The following WDR36 variants were observed in gnomAD, a reference collection of about 807,000 sequenced individuals.
WDR36 encodes WD repeat domain 36, also known as WD repeat-containing protein 36.
A neutral mutation model predicts 112.7 loss-of-function variants in WDR36; 63 were observed. The observed-to-expected ratio is 0.56, with a 90% CI of 0.46 to 0.69. The LOEUF (loss-of-function observed/expected upper bound fraction) is 0.69, where lower values mean the gene tolerates loss of function less well. Ranked by LOEUF, WDR36 falls within the 30% of genes least tolerant of loss-of-function variation. The pLI, the probability that WDR36 is intolerant of heterozygous loss-of-function variation, is 0.00. For missense variants in WDR36, 1,226 were observed against 1,070.3 expected (o/e 1.15, Z -2.03); for synonymous variants, 410 against 362.2 (o/e 1.13, Z -1.50).
chr5:111,125,923 T>G (rs1753671680), intron 22 of WDR36, 128 bp downstream of exon 22: 2 of 867,070 alleles, frequency 2.3e-6, no homozygotes, highest in East Asian at 5.2e-5. Context: ...ACTTGCCACA[T>G]GTAGCTATTG....
intron 7 of WDR36, 124 bp from the exon 8 acceptor site, chr5:111,104,053 T>C (rs1222698101): frequency 1.4e-6 from 2 of 1,386,342 alleles, no homozygotes; most frequent in African/African-American, 2.9e-5. Context: ...CAAAGAAATA[T>C]GAATAGATTA....
intron 16 of WDR36, among the ~76,000 whole-genome samples, chr5:111,115,326 A>G (rs10064041): frequency 0.028 from 4,262 of 152,134 alleles, 196 homozygotes; most frequent in African/African-American, 0.096. Context: ...AAGATTTACA[A>G]TGTGCTGCTA....
rs765669337 is a variant in WDR36, at chr5:111,104,742, T to A, written c.952T>A (p.Phe318Ile). Residue 318 changes from phenylalanine to isoleucine, a missense_variant, in exon 9 of 23, where the codon TTC becomes ATC. Coordinates refer to ENST00000513710, the MANE Select transcript of WDR36 (RefSeq NM_139281.3). ...TACAGGTGAAGGCCGACTTTTGAGA[T>A]TCAGAATGGGTCATAGTGCTCCTCT... ...GPTGEGRLLR[F>I]RMGHSAPLTN... 2 of 1,611,454 alleles carry A rather than the reference T, an allele frequency of 1.2e-6. No homozygotes were observed. Among genetic ancestry groups the A allele is most frequent in the South Asian group, 1.1e-5 (1 of 91,060 alleles).
At chr5:111,101,608 C>T (rs1295262487) in intron 5 of WDR36, among the ~76,000 whole-genome samples, 2 of 151,808 alleles carry the variant, frequency 1.3e-5, no homozygotes, top group Non-Finnish European at 2.9e-5. Context: ...AAGGTGGCAG[C>T]TCACACTTCT....
chr5:111,121,965 C>G (rs1228718930), intron 19 of WDR36, among the ~76,000 whole-genome samples: 1 of 152,158 alleles, frequency 6.6e-6, no homozygotes, highest in Non-Finnish European at 1.5e-5. Flanking sequence ...GAAACACTGA[C>G]TAAGTAACTA....
rs1753140106 is a variant in WDR36, at chr5:111,102,441, A to T, written c.597+42A>T. 1.9e-6 allele frequency: 3 copies of T among 1,568,338 alleles called. No individual in the cohort carries two copies. In the Admixed American group the frequency reaches 5.0e-5, roughly 26 times the overall value. On this transcript the variant is annotated intron_variant, in intron 6 of 22. Transcript: ENST00000513710. ...TAAGTCAAAGAGGAACAAAGTTAAT[A>T]GGAAAATCCTTCAGTTTCAGGAATC...
intron 1 of WDR36, among the ~76,000 whole-genome samples, chr5:111,094,083 C>T (rs901840508): frequency 1.3e-5 from 2 of 152,112 alleles, no homozygotes; most frequent in African/African-American, 2.4e-5. Flanking sequence ...TCTACAAGTG[C>T]TCTATCCCAT....
chr5:111,122,951 A>G (rs1753597285), intron 19 of WDR36, among the ~76,000 whole-genome samples: 1 of 152,096 alleles, frequency 6.6e-6, no homozygotes, highest in South Asian at 2.1e-4. Context: ...CTCTACTATA[A>G]ATACAAAAAT....
At chr5:111,105,830 T>C (rs998262820) in intron 10 of WDR36, among the ~76,000 whole-genome samples, 2 of 151,628 alleles carry the variant, frequency 1.3e-5, no homozygotes, top group East Asian at 1.9e-4. Context: ...TACTATCTTA[T>C]ACTGTTCATG....
At chr5:111,121,527 T>C (rs1753566241) in intron 19 of WDR36, among the ~76,000 whole-genome samples, 1 of 152,158 alleles carries the variant, frequency 6.6e-6, no homozygotes, top group Non-Finnish European at 1.5e-5. Context: ...GAAATTCCAC[T>C]AGACTTTCAT....
chr5:111,121,231 G>T, intron 19 of WDR36, 90 bp downstream of exon 19: 2 of 1,405,470 alleles, frequency 1.4e-6, no homozygotes, highest in Non-Finnish European at 1.0e-6. Flanking sequence ...TACATTGAGG[G>T]CATTAGAAGA....
intron 3 of WDR36, 131 bp downstream of exon 3, chr5:111,097,310 A>G (rs1336762309): frequency 2.0e-5 from 14 of 695,154 alleles, no homozygotes; most frequent in Admixed American, 4.5e-5. Context: ...TCTAATGTAT[A>G]TTCAGTTTTC....
At chr5:111,101,543 T>A (rs1169584412) in intron 5 of WDR36, among the ~76,000 whole-genome samples, 1 of 151,874 alleles carries the variant, frequency 6.6e-6, no homozygotes, top group Non-Finnish European at 1.5e-5. Context: ...GCTAGAGGGC[T>A]GGATACATGA....
intron 16 of WDR36, among the ~76,000 whole-genome samples, chr5:111,117,737 C>A (rs1259294939): frequency 6.6e-6 from 1 of 152,088 alleles, no homozygotes; most frequent in Non-Finnish European, 1.5e-5. Context: ...TAATCTTGTT[C>A]TTGAAATAAT....
At chr5:111,109,388 A>T (rs888705466) in intron 12 of WDR36, among the ~76,000 whole-genome samples, 2 of 151,386 alleles carry the variant, frequency 1.3e-5, no homozygotes, top group Non-Finnish European at 3.0e-5. Context: ...TATTTATGTG[A>T]TGCAATGTAA....
intron 8 of WDR36, 39 bp from the exon 9 acceptor site, chr5:111,104,658 G>T (rs1753188554): frequency 6.2e-7 from 1 of 1,610,334 alleles, no homozygotes; most frequent in Non-Finnish European, 8.5e-7. Flanking sequence ...AGATCAGATG[G>T]AACATTGTAG....
chr5:111,103,297 A>C (rs1344667673), intron 6 of WDR36, among the ~76,000 whole-genome samples: 1 of 151,790 alleles, frequency 6.6e-6, no homozygotes, highest in African/African-American at 2.4e-5. Context: ...GGAACAGACT[A>C]ATTGTAAAAC....
Position 111,092,598 on chromosome 5 carries a change from AAG to A in WDR36, c.145_146del (p.Ser49PhefsTer5). ...RRFYVTTCVG[K>X]SFHTYDVQKL... ...GTTCTATGTAACAACCTGCGTGGGC[AAG>A]AGTTTCCACACCTATGACGTGAGTG... is the stretch of plus-strand genomic sequence containing the variant. On this transcript the variant is annotated frameshift_variant, in exon 1 of 23. Coordinates refer to ENST00000513710, the MANE Select transcript of WDR36 (RefSeq NM_139281.3). LOFTEE classifies it high-confidence loss of function. The A allele has an allele frequency of 6.2e-6, 10 of 1,613,738 alleles. No homozygotes were observed. Among genetic ancestry groups the A allele is most frequent in the Non-Finnish European group, 8.5e-6 (10 of 1,179,950 alleles).
rs1302446039 is a variant in WDR36, at chr5:111,113,302, G to A, written c.1796+149G>A. On this transcript the variant is annotated intron_variant, in intron 16 of 22. Transcript: ENST00000513710. ...TCTGACATGACTATATTGTATCCTT[G>A]GAGTGTTTTTGATAACTAAACAGCA... 6 of 396,800 alleles carry A rather than the reference G, an allele frequency of 1.5e-5. No homozygotes were observed. In the Admixed American group the frequency reaches 2.0e-4, roughly 13 times the overall value. 24.6% of individuals were successfully genotyped at this position (396,800 alleles called of 1,614,324 possible).
Sources: allele counts gnomAD v4.1 joint callset (sites outside exome capture counted in the v4.1 genomes callset), GRCh38; gene constraint gnomAD v4.1.1; transcripts MANE v1.5; gene names NCBI Gene and HGNC (gene_info 2026-07-23, HGNC 2026-07-21).